CNTN5: variants seen among roughly 807,000 people sequenced by gnomAD.
CNTN5 encodes contactin-5.
In CNTN5, 77 loss-of-function variants were observed where a neutral mutation model predicts 129.1. The observed-to-expected ratio is 0.60, with a 90% CI of 0.50 to 0.72. CNTN5 has a LOEUF of 0.72. Among genes scored for constraint, CNTN5 ranks in the 30% least tolerant of loss-of-function variants. The pLI is 0.00. For synonymous variants in CNTN5, 509 were observed against 465.6 expected (o/e 1.09, Z -1.20); for missense variants, 1,478 against 1,328.8 (o/e 1.11, Z -1.75).
At chr11:99,973,071 G>A (rs574345507) in intron 8 of CNTN5, among the ~76,000 whole-genome samples, 8 of 151,906 alleles carry the variant, frequency 5.3e-5, no homozygotes, top group South Asian at 4.2e-4. Context: ...AATGAAAGGC[G>A]ATAACAAAAT....
chr11:99,691,180 A>AT (rs1374373963), intron 3 of CNTN5, among the ~76,000 whole-genome samples: 1 of 145,480 alleles, frequency 6.9e-6, no homozygotes, highest in African/African-American at 2.5e-5. Context: ...GTCTATCTTA[A>AT]TTTTTTCAAA....
intron 2 of CNTN5, among the ~76,000 whole-genome samples, chr11:99,510,151 G>T (rs767632504): frequency 2.0e-4 from 31 of 151,906 alleles, no homozygotes; most frequent in Middle Eastern, 3.2e-3. Context: ...TAATAATATA[G>T]TCAAAAGACA....
chr11:99,079,785 C>T (rs755247996), intron 1 of CNTN5, among the ~76,000 whole-genome samples: 6 of 152,144 alleles, frequency 3.9e-5, no homozygotes, highest in African/African-American at 7.2e-5. Flanking sequence ...CTTAATCACC[C>T]GTCAACCTGG....
chr11:100,074,119 A>C, intron 12 of CNTN5, 25 bp from the exon 13 acceptor site: 1 of 1,599,902 alleles, frequency 6.3e-7, no homozygotes, highest in South Asian at 1.1e-5. Flanking sequence ...CTTCTGGTAG[A>C]AACTAACATT....
intron 1 of CNTN5, among the ~76,000 whole-genome samples, chr11:99,229,043 G>A (rs1040234687): frequency 6.6e-6 from 1 of 151,750 alleles, no homozygotes; most frequent in African/African-American, 2.4e-5. Flanking sequence ...TATTTCTATG[G>A]ATTGTATGTA....
rs183629997 is a variant in CNTN5 at position 99,184,896 on chromosome 11, C to A, written c.-209-140450C>A. Among the ~76,000 whole-genome samples, 78 of 152,050 alleles carry A rather than the reference C, an allele frequency of 5.1e-4. No individual in the cohort carries two copies. The East Asian group carries it at 0.013, about 24-fold the overall frequency. ...GAAAACTCATTGATAAAAGACTAGT[C>A]ATTGGTTTTGAAATTCTTCTTGATC... On this transcript the variant is annotated intron_variant, in intron 1 of 24. Coordinates refer to ENST00000524871, the MANE Select transcript of CNTN5 (RefSeq NM_014361.4).
intron 13 of CNTN5, among the ~76,000 whole-genome samples, chr11:100,140,291 G>C (rs2138250947): frequency 6.6e-6 from 1 of 152,290 alleles, no homozygotes; most frequent in South Asian, 2.1e-4. Context: ...ATGGGTGCAG[G>C]CATAGAGGAG....
At chr11:99,971,592 A>C (rs1951256350) in intron 8 of CNTN5, among the ~76,000 whole-genome samples, 1 of 151,670 alleles carries the variant, frequency 6.6e-6, no homozygotes, top group African/African-American at 2.4e-5. Flanking sequence ...AAAATAATCA[A>C]CAAATGCCAG....
At chr11:100,256,388 A>G (rs562711371) in intron 17 of CNTN5, among the ~76,000 whole-genome samples, 110 of 152,294 alleles carry the variant, frequency 7.2e-4, no homozygotes, top group African/African-American at 1.9e-3. Flanking sequence ...TTTATTATGT[A>G]GACTCAAGTA....
chr11:99,108,908 C>T (rs1296335532), intron 1 of CNTN5, among the ~76,000 whole-genome samples: 1 of 151,586 alleles, frequency 6.6e-6, no homozygotes. Flanking sequence ...ACAATGATCC[C>T]CAAGATTATA....
At chr11:99,894,531 C>CAAAAAAAAAAAAAAAAAAAAA (rs1213302537) in intron 6 of CNTN5, among the ~76,000 whole-genome samples, 1 of 95,888 alleles carries the variant, frequency 1.0e-5, no homozygotes, top group African/African-American at 3.4e-5. Flanking sequence ...AAAAAAAAAC[C>CAAAAAAAAAAAAAAAAAAAAA]AAAAAACAAA....
intron 9 of CNTN5, among the ~76,000 whole-genome samples, chr11:100,026,281 C>T (rs1298141496): frequency 6.6e-6 from 1 of 150,926 alleles, no homozygotes; most frequent in Non-Finnish European, 1.5e-5. Context: ...TTCTTCTTCA[C>T]TTTCCACCAA....
At chr11:99,228,634 A>G (rs1240849723) in intron 1 of CNTN5, among the ~76,000 whole-genome samples, 1 of 152,060 alleles carries the variant, frequency 6.6e-6, no homozygotes, top group Non-Finnish European at 1.5e-5. Flanking sequence ...AAAAAGTTAA[A>G]AAATAGCCTT....
chr11:99,247,632 C>T (rs1477037883), intron 1 of CNTN5, among the ~76,000 whole-genome samples: 1 of 151,872 alleles, frequency 6.6e-6, no homozygotes, highest in East Asian at 1.9e-4. Context: ...CCACAACAGG[C>T]CCTGGTGTGT....
At chr11:99,676,043 C>T (rs1953267647) in intron 3 of CNTN5, among the ~76,000 whole-genome samples, 2 of 152,124 alleles carry the variant, frequency 1.3e-5, no homozygotes, top group Non-Finnish European at 2.9e-5. Flanking sequence ...TCATTTCTGC[C>T]TTCCAGCGAT....
chr11:100,197,525 A>G (rs1948673724), intron 15 of CNTN5, among the ~76,000 whole-genome samples: 1 of 151,914 alleles, frequency 6.6e-6, no homozygotes, highest in African/African-American at 2.4e-5. Flanking sequence ...TGGTGTCCTG[A>G]CTTGAGAGTT....
chr11:99,028,217 G>A (rs997521975), intron 1 of CNTN5, among the ~76,000 whole-genome samples: 3 of 151,734 alleles, frequency 2.0e-5, no homozygotes, highest in African/African-American at 7.2e-5. Context: ...GACTGTGTTT[G>A]TTTGTTTCTC....
At chr11:99,628,378 T>C (rs1350569048) in intron 3 of CNTN5, among the ~76,000 whole-genome samples, 1 of 152,056 alleles carries the variant, frequency 6.6e-6, no homozygotes, top group Non-Finnish European at 1.5e-5. Context: ...TAACCTCACT[T>C]ATTTCTGGTA....
At chr11:99,166,934 T>G (rs11218609) in intron 1 of CNTN5, among the ~76,000 whole-genome samples, 102,501 of 151,778 alleles carry the variant, frequency 0.68, 34,979 homozygotes, top group East Asian at 0.94. Context: ...TAATGTTATT[T>G]AAAACATTAT....
Sources: gnomAD v4.1 joint callset for allele counts (sites outside exome capture counted in the v4.1 genomes callset) on GRCh38, gnomAD v4.1.1 for gene constraint, MANE v1.5 for transcripts, NCBI Gene and HGNC (gene_info 2026-07-23, HGNC 2026-07-21) for gene names.